Variants in PAXBP1 observed in about 807,000 individuals in gnomAD.
The protein encoded by PAXBP1 is PAX3 and PAX7 binding protein 1.
PAXBP1 carries 44 observed loss-of-function variants against 119.9 expected under a neutral mutation model. The observed-to-expected ratio is 0.37, with a 90% CI of 0.29 to 0.47. PAXBP1 has a LOEUF of 0.47. Ranked by LOEUF, PAXBP1 falls within the 20% of genes least tolerant of loss-of-function variation. The pLI is 0.99. For missense variants in PAXBP1, 898 were observed against 1,134.1 expected, an observed-to-expected ratio of 0.79 and a Z score of 2.99; for synonymous variants, 393 against 406.6, an observed-to-expected ratio of 0.97 and a Z score of 0.40.
At chr21:32,763,643 C>A (rs1327481277) in intron 3 of PAXBP1, among the ~76,000 whole-genome samples, 4 of 152,150 alleles carry the variant, frequency 2.6e-5, no homozygotes, top group Admixed American at 2.6e-4. Flanking sequence ...GTGGATAGAC[C>A]TGCAAACTAT....
intron 8 of PAXBP1, chr21:32,752,249 G>T (rs567878245): frequency 5.3e-5 from 8 of 152,248 alleles, no homozygotes; most frequent in African/African-American, 1.9e-4. Context: ...TCTTTTGTTG[G>T]GGATCCCCAG....
intron 3 of PAXBP1, 45 bp downstream of exon 3, chr21:32,764,303 C>A (rs752648569): frequency 1.3e-6 from 2 of 1,573,374 alleles, no homozygotes; most frequent in Admixed American, 3.6e-5. Context: ...ATGGCCCATT[C>A]TTGAGGGTTT....
intron 2 of PAXBP1, among the ~76,000 whole-genome samples, chr21:32,769,376 TAAATTTAGGGCATTCCTA>T (rs952282031): frequency 6.6e-6 from 1 of 152,080 alleles, no homozygotes; most frequent in Non-Finnish European, 1.5e-5. Context: ...ATACTAATAT[TAAATTTAGGGCATTCCTA>T]AAAGTTCTCT....
At chr21:32,771,092 T>C (rs1210414728) in intron 1 of PAXBP1, among the ~76,000 whole-genome samples, 1 of 152,246 alleles carries the variant, frequency 6.6e-6, no homozygotes, top group African/African-American at 2.4e-5. Context: ...ATGCCTGATC[T>C]GAGCTCCGGC....
In PAXBP1 at chr21:32,734,931, G is replaced by T; in HGVS notation, c.*19C>A. 1 of 1,575,334 alleles carries T rather than the reference G, an allele frequency of 6.3e-7. No individual in the cohort carries two copies. The highest frequency in any genetic ancestry group is 1.7e-5 in the Admixed American group (1 of 59,800). On this transcript the variant is annotated 3_prime_UTR_variant, in exon 18 of 18. Transcript: ENST00000331923. ...TTGGGAATGGTAATCAAGCAAATAG[G>T]TTTTTCAGTCTCATAGATCTATTTT...
intron 5 of PAXBP1, 148 bp downstream of exon 5, chr21:32,760,911 G>A: frequency 1.6e-6 from 1 of 621,948 alleles, no homozygotes; most frequent in Non-Finnish European, 2.8e-6. Flanking sequence ...GCGTGTGTGT[G>A]TGTGTGTGTG....
chr21:32,748,003 T>C (rs537109268), intron 11 of PAXBP1, among the ~76,000 whole-genome samples: 2 of 151,706 alleles, frequency 1.3e-5, no homozygotes, highest in South Asian at 4.2e-4. Flanking sequence ...CCCAGGCTGG[T>C]CTTGAACTCC....
chr21:32,762,234 C>A lies in PAXBP1; in HGVS notation c.733G>T (p.Asp245Tyr). 6.2e-7 allele frequency: 1 copy of A among 1,614,132 alleles called. No homozygotes were observed. Among genetic ancestry groups the A allele is most frequent in the Non-Finnish European group, 8.5e-7 (1 of 1,180,010 alleles). ...AGGCGGCCTTTACCAGGCTCATTAT[C>A]ATGAGGAGTGAAATCTCCCAATTCT... ...ARELGDFTPH[D>Y]NEPGKGRLVR... Residue 245 changes from aspartate (D) to tyrosine (Y), a missense_variant, in exon 4 of 18, where the codon GAT becomes TAT. Coordinates refer to ENST00000331923, the MANE Select transcript of PAXBP1 (RefSeq NM_016631.4).
intron 17 of PAXBP1, among the ~76,000 whole-genome samples, chr21:32,735,354 G>T (rs1161870868): frequency 6.6e-6 from 1 of 152,086 alleles, no homozygotes; most frequent in Non-Finnish European, 1.5e-5. Flanking sequence ...CATTAATATT[G>T]AGAAAGAAAA....
chr21:32,753,418 T>G (rs1357116336), intron 8 of PAXBP1, among the ~76,000 whole-genome samples: 1 of 106,000 alleles, frequency 9.4e-6, no homozygotes, highest in African/African-American at 3.8e-5. Context: ...AAAGCGAGAC[T>G]CCGTCTCAAA....
At chr21:32,749,196 A>ATT (rs879356998) in intron 10 of PAXBP1, among the ~76,000 whole-genome samples, 1 of 142,880 alleles carries the variant, frequency 7.0e-6, no homozygotes, top group Non-Finnish European at 1.5e-5. Flanking sequence ...TGCGAATAAG[A>ATT]TTTTTTTTTT....
intron 8 of PAXBP1, among the ~76,000 whole-genome samples, chr21:32,752,742 C>T (rs1388793394): frequency 2.6e-5 from 4 of 152,210 alleles, no homozygotes; most frequent in African/African-American, 7.2e-5. Context: ...CAGGTTCAAG[C>T]GATTCTCCCG....
chr21:32,769,848 C>T lies in PAXBP1; in HGVS notation c.438G>A (p.Ser146=), dbSNP rs1601614577. Residue 146 remains serine, a synonymous_variant, in exon 2 of 18, where the codon TCG becomes TCA. Coordinates refer to ENST00000331923, the MANE Select transcript of PAXBP1 (RefSeq NM_016631.4). Reference sequence around the variant, plus strand: ...ATGAGTTGAGTTCTGTCTTAATCTTCGATTTTTCAAGATCTTCTTTATATT... The same window carrying T: ...ATGAGTTGAGTTCTGTCTTAATCTTTGATTTTTCAAGATCTTCTTTATATT... ...KKEYKEDLEK[S]KIKTELNSSA... is the part of the protein sequence containing the mutation. 2 of 1,601,556 alleles carry T rather than the reference C, an allele frequency of 1.2e-6. No homozygotes were observed. The highest frequency in any genetic ancestry group is 1.7e-6 in the Non-Finnish European group (2 of 1,176,306).
intron 7 of PAXBP1, among the ~76,000 whole-genome samples, chr21:32,757,663 T>C (rs1044176398): frequency 7.9e-5 from 12 of 152,352 alleles, no homozygotes; most frequent in African/African-American, 2.9e-4. Flanking sequence ...AATGTCTTAA[T>C]TTACTCAAGA....
intron 7 of PAXBP1, among the ~76,000 whole-genome samples, chr21:32,757,498 T>A (rs2044062734): frequency 6.6e-6 from 1 of 152,190 alleles, no homozygotes; most frequent in Non-Finnish European, 1.5e-5. Context: ...CACATTAGCA[T>A]AATCTGAAGT....
rs1186165200 is a variant in PAXBP1 at position 32,751,144 on chromosome 21, G to A, written c.1582C>T (p.Arg528Cys). The A allele has an allele frequency of 3.1e-6, 5 of 1,613,858 alleles. 1 individual carries two copies. Among genetic ancestry groups the A allele is most frequent in the East Asian group, 4.5e-5 (2 of 44,866 alleles). Residue 528 changes from arginine to cysteine, a missense_variant, in exon 9 of 18, where the codon CGC becomes TGC. Transcript: ENST00000331923. ...CTCCTGGCCTCCCGCTCTGCAATGCGACGTTTTGCATGCTCTTGATACAGT... is the reference window on the plus strand; with the variant it reads ...CTCCTGGCCTCCCGCTCTGCAATGCAACGTTTTGCATGCTCTTGATACAGT... ...RALYQEHAKRRIAEREARRTR... is the reference protein window; with the variant it reads ...RALYQEHAKRCIAEREARRTR...
At chr21:32,768,898 A>AC (rs2044287025) in intron 2 of PAXBP1, among the ~76,000 whole-genome samples, 1 of 151,960 alleles carries the variant, frequency 6.6e-6, no homozygotes, top group South Asian at 2.1e-4. Context: ...CCTTGATCAT[A>AC]CCCCCAATAC....
At chr21:32,748,461 A>C in intron 11 of PAXBP1, 38 bp downstream of exon 11, 1 of 1,559,558 alleles carries the variant, frequency 6.4e-7, no homozygotes, top group Non-Finnish European at 8.7e-7. Flanking sequence ...CCAGATATCA[A>C]ATTATAACAC....
At chr21:32,749,196 ATTTT>A (rs879356998) in intron 10 of PAXBP1, among the ~76,000 whole-genome samples, 1 of 142,872 alleles carries the variant, frequency 7.0e-6, no homozygotes, top group African/African-American at 2.6e-5. Flanking sequence ...TGCGAATAAG[ATTTT>A]TTTTTTTTTT....
Sources: gnomAD v4.1 joint callset for allele counts (sites outside exome capture counted in the v4.1 genomes callset) on GRCh38, gnomAD v4.1.1 for gene constraint, MANE v1.5 for transcripts, NCBI Gene and HGNC (gene_info 2026-07-23, HGNC 2026-07-21) for gene names.